ZDHHC14: variants seen among roughly 807,000 people sequenced by gnomAD.
ZDHHC14 encodes zDHHC palmitoyltransferase 14, also known as palmitoyltransferase ZDHHC14.
A neutral mutation model predicts 47.7 loss-of-function variants in ZDHHC14; 16 were observed. That is an observed-to-expected ratio of 0.34 (90% confidence interval 0.23 to 0.51). ZDHHC14 has a LOEUF of 0.51. Among genes scored for constraint, ZDHHC14 ranks in the 20% least tolerant of loss-of-function variants. The pLI is 0.97. For missense variants in ZDHHC14, 515 were observed against 662.5 expected, an observed-to-expected ratio of 0.78 and a Z score of 2.44; for synonymous variants, 293 against 278.9, an observed-to-expected ratio of 1.05 and a Z score of -0.50.
chr6:157,657,075 G>A (rs188826284), intron 8 of ZDHHC14, among the ~76,000 whole-genome samples: 95 of 151,580 alleles, frequency 6.3e-4, no homozygotes, highest in African/African-American at 2.3e-3. Context: ...TTAAGACAGG[G>A]TCTCACTCTG....
At chr6:157,642,485 G>A (rs1034215133) in intron 5 of ZDHHC14, among the ~76,000 whole-genome samples, 10 of 152,282 alleles carry the variant, frequency 6.6e-5, no homozygotes, top group Non-Finnish European at 1.0e-4. Flanking sequence ...TTCCACAAAC[G>A]TTTAGTGAGT....
chr6:157,522,780 T>C (rs1355036542), intron 1 of ZDHHC14, among the ~76,000 whole-genome samples: 12 of 30,758 alleles, frequency 3.9e-4, no homozygotes, highest in Non-Finnish European at 4.9e-4. Flanking sequence ...TTCCTCCATC[T>C]CTCTTTCCAT....
At chr6:157,591,055 G>T (rs543455065) in intron 2 of ZDHHC14, among the ~76,000 whole-genome samples, 1 of 152,326 alleles carries the variant, frequency 6.6e-6, no homozygotes, top group East Asian at 1.9e-4. Context: ...ATTTGGAACA[G>T]GTTTATTTTA....
At chr6:157,578,260 T>G (rs1483758851) in intron 2 of ZDHHC14, among the ~76,000 whole-genome samples, 3 of 152,248 alleles carry the variant, frequency 2.0e-5, no homozygotes, top group Non-Finnish European at 4.4e-5. Context: ...ATCATAAATC[T>G]TTGCCAGGTC....
chr6:157,473,300 AC>A (rs1305672855), intron 1 of ZDHHC14, among the ~76,000 whole-genome samples: 2 of 152,154 alleles, frequency 1.3e-5, no homozygotes, highest in African/African-American at 4.8e-5. Context: ...GTGTCCTTTG[AC>A]CAACATTTCC....
At position 157,382,009 on chromosome 6, in the gene ZDHHC14, G is replaced by C; in HGVS notation, c.-13G>C. ...TCCTGGGGGTGTGCGCCCCCAGCCG[G>C]CTGCCCTCGTGGATGCCTCCCGGCG... On this transcript the variant is annotated 5_prime_UTR_variant, in exon 1 of 9. Coordinates refer to ENST00000359775, the MANE Select transcript of ZDHHC14 (RefSeq NM_024630.3). The C allele has an allele frequency of 7.0e-7, 1 of 1,429,320 alleles. No individual in the cohort carries two copies. Among genetic ancestry groups the C allele is most frequent in the Non-Finnish European group, 9.2e-7 (1 of 1,088,872 alleles). The allele number at this position is 1,429,320 out of a possible 1,614,324, so 88.5% of individuals were successfully genotyped here.
chr6:157,603,379 C>T (rs191416513), intron 3 of ZDHHC14, among the ~76,000 whole-genome samples: 282 of 152,262 alleles, frequency 1.9e-3, no homozygotes, highest in African/African-American at 6.3e-3. Context: ...GACCAATTCC[C>T]GTAAAGGGGA....
chr6:157,519,279 A>G (rs1017684317), intron 1 of ZDHHC14, among the ~76,000 whole-genome samples: 30 of 152,274 alleles, frequency 2.0e-4, no homozygotes, highest in African/African-American at 7.0e-4. Context: ...GTGAAGCTTG[A>G]TATTTATTTT....
intron 1 of ZDHHC14, among the ~76,000 whole-genome samples, chr6:157,388,987 A>G (rs1777370473): frequency 6.6e-6 from 1 of 152,082 alleles, no homozygotes; most frequent in Admixed American, 6.6e-5. Context: ...TTCCCAAACA[A>G]TACGTTGTTT....
intron 1 of ZDHHC14, among the ~76,000 whole-genome samples, chr6:157,485,167 A>G (rs941327315): frequency 4.6e-5 from 7 of 152,230 alleles, no homozygotes; most frequent in African/African-American, 1.4e-4. Context: ...TCTTGGACCT[A>G]GACATGAACC....
intron 1 of ZDHHC14, among the ~76,000 whole-genome samples, chr6:157,445,046 A>G (rs1472440178): frequency 6.7e-6 from 1 of 149,360 alleles, no homozygotes; most frequent in African/African-American, 2.5e-5. Context: ...CAGGCTGGGG[A>G]AGGGACCACA....
At chr6:157,596,815 G>A (rs1314956641) in intron 3 of ZDHHC14, among the ~76,000 whole-genome samples, 1 of 152,190 alleles carries the variant, frequency 6.6e-6, no homozygotes, top group Non-Finnish European at 1.5e-5. Context: ...GGGCCAGTAA[G>A]CGCGTGGCTC....
At chr6:157,656,895 T>C (rs959440402) in intron 8 of ZDHHC14, among the ~76,000 whole-genome samples, 2 of 152,122 alleles carry the variant, frequency 1.3e-5, no homozygotes, top group African/African-American at 2.4e-5. Flanking sequence ...GGCCTCAGGC[T>C]GATGGCATAC....
intron 1 of ZDHHC14, among the ~76,000 whole-genome samples, chr6:157,405,110 T>C (rs1036845043): frequency 1.3e-5 from 2 of 152,200 alleles, no homozygotes; most frequent in Admixed American, 6.5e-5. Flanking sequence ...ATTAAAAATA[T>C]ATATTCTAAG....
intron 3 of ZDHHC14, among the ~76,000 whole-genome samples, chr6:157,595,713 C>T (rs1481946171): frequency 2.6e-5 from 4 of 152,170 alleles, no homozygotes; most frequent in Non-Finnish European, 5.9e-5. Flanking sequence ...TGACGGTGTA[C>T]TTCTGCATGT....
chr6:157,609,442 G>T (rs960758645), intron 3 of ZDHHC14, among the ~76,000 whole-genome samples: 4 of 152,204 alleles, frequency 2.6e-5, no homozygotes, highest in Non-Finnish European at 4.4e-5. Flanking sequence ...GAGGATGATT[G>T]CCAGGGCACT....
chr6:157,666,482 C>T (rs1420911095), intron 8 of ZDHHC14, among the ~76,000 whole-genome samples: 4 of 152,198 alleles, frequency 2.6e-5, no homozygotes, highest in Non-Finnish European at 5.9e-5. Context: ...AGCTCTCCTT[C>T]CAACCTGCAC....
intron 1 of ZDHHC14, among the ~76,000 whole-genome samples, chr6:157,418,027 G>T (rs187813123): frequency 6.6e-6 from 1 of 151,718 alleles, no homozygotes; most frequent in East Asian, 1.9e-4. Flanking sequence ...TCTGCTTAGC[G>T]ATGTCTCGGG....
At chr6:157,440,484 A>G (rs146419705) in intron 1 of ZDHHC14, among the ~76,000 whole-genome samples, 2,124 of 152,330 alleles carry the variant, frequency 0.014, 51 homozygotes, top group African/African-American at 0.049. Context: ...CAGCCACTGT[A>G]GAAAACACTT....
Sources: gnomAD v4.1 joint callset for allele counts (sites outside exome capture counted in the v4.1 genomes callset) on GRCh38, gnomAD v4.1.1 for gene constraint, MANE v1.5 for transcripts, NCBI Gene and HGNC (gene_info 2026-07-23, HGNC 2026-07-21) for gene names.